Variants in MAGI1 observed in about 807,000 individuals in gnomAD.
The protein encoded by MAGI1 is membrane associated guanylate kinase, WW and PDZ domain containing 1.
Under a neutral mutation model 139.9 loss-of-function variants are expected in MAGI1, and 58 were observed. The ratio of observed to expected loss-of-function variants is 0.41; its 90% CI spans 0.34 to 0.52. The LOEUF (loss-of-function observed/expected upper bound fraction) is 0.52. Ranked by LOEUF, MAGI1 falls within the 20% of genes least tolerant of loss-of-function variation. The probability of loss-of-function intolerance (pLI) is 0.12; values close to 1 mark genes in which losing one functional copy is unlikely to be tolerated. For synonymous variants in MAGI1, 812 were observed against 737.9 expected (o/e 1.10, Z -1.63); for missense variants, 1,874 against 1,901.6 (o/e 0.99, Z 0.27).
intron 12 of MAGI1, among the ~76,000 whole-genome samples, chr3:65,417,068 T>C (rs1946272322): frequency 6.6e-6 from 1 of 152,134 alleles, no homozygotes; most frequent in Non-Finnish European, 1.5e-5. Flanking sequence ...GTTTCGAAAA[T>C]GCTCAGAACT....
chr3:66,036,353 G>T (rs551577720), intron 1 of MAGI1, among the ~76,000 whole-genome samples: 12 of 152,256 alleles, frequency 7.9e-5, no homozygotes, highest in African/African-American at 2.9e-4. Context: ...TGAACCTCAA[G>T]CAAAACCTGG....
chr3:65,867,909 G>C (rs769165713), intron 1 of MAGI1, among the ~76,000 whole-genome samples: 1 of 152,162 alleles, frequency 6.6e-6, no homozygotes, highest in African/African-American at 2.4e-5. Flanking sequence ...GGAGGCGTCA[G>C]GTCTGAGGAG....
At position 65,750,959 on chromosome 3, in the gene MAGI1, A is replaced by G. The variant is rs72908236; in HGVS notation, c.314-128871T>C. Among the ~76,000 whole-genome samples the G allele has an allele frequency of 4.1e-3, 622 of 152,332 alleles. 2 individuals are homozygous for G. Among genetic ancestry groups the G allele is most frequent in the African/African-American group, 0.014 (597 of 41,588 alleles). ...AAAGTGGCTTGAAACCTTTCTTTAT[A>G]TAAGATGCACCAGGCAAGTGATTCA... On this transcript the variant is annotated intron_variant, in intron 1 of 22. Transcript: ENST00000402939.
chr3:65,900,872 T>C (rs993300189), intron 1 of MAGI1, among the ~76,000 whole-genome samples: 2 of 152,218 alleles, frequency 1.3e-5, no homozygotes, highest in African/African-American at 2.4e-5. Flanking sequence ...TCAGTCTGGA[T>C]GAACCCTTGA....
intron 1 of MAGI1, among the ~76,000 whole-genome samples, chr3:65,701,048 G>A (rs1211644235): frequency 6.6e-6 from 1 of 152,072 alleles, no homozygotes; most frequent in African/African-American, 2.4e-5. Context: ...CAAAAATTAT[G>A]TCCACAATAT....
At chr3:65,525,858 C>G (rs532925552) in intron 2 of MAGI1, among the ~76,000 whole-genome samples, 1 of 152,128 alleles carries the variant, frequency 6.6e-6, no homozygotes, top group South Asian at 2.1e-4. Context: ...TCCTGAATAC[C>G]CACTGTGTTC....
At chr3:65,580,548 A>AT (rs960046504) in intron 2 of MAGI1, among the ~76,000 whole-genome samples, 5 of 152,110 alleles carry the variant, frequency 3.3e-5, no homozygotes, top group African/African-American at 1.2e-4. Flanking sequence ...AACACAGGTT[A>AT]TTTTTTTCAA....
At chr3:65,733,225 A>T (rs1028325385) in intron 1 of MAGI1, among the ~76,000 whole-genome samples, 1 of 151,852 alleles carries the variant, frequency 6.6e-6, no homozygotes, top group South Asian at 2.1e-4. Context: ...CGCCCCGCTA[A>T]TTTTTTGTAT....
At chr3:65,515,246 G>A (rs867188452) in intron 2 of MAGI1, among the ~76,000 whole-genome samples, 3,790 of 140,608 alleles carry the variant, frequency 0.027, 148 homozygotes, top group African/African-American at 0.095. Flanking sequence ...CCAGCATGGC[G>A]CATGTATACA....
chr3:65,599,404 G>GA (rs1404356687), intron 2 of MAGI1, among the ~76,000 whole-genome samples: 1 of 152,174 alleles, frequency 6.6e-6, no homozygotes, highest in Non-Finnish European at 1.5e-5. Context: ...ATGTCCATCT[G>GA]AAAAATCCAG....
chr3:65,667,636 A>G (rs960889942), intron 1 of MAGI1, among the ~76,000 whole-genome samples: 1 of 152,150 alleles, frequency 6.6e-6, no homozygotes, highest in Admixed American at 6.5e-5. Context: ...CAGTGGTGCA[A>G]TCATGGCTCC....
intron 1 of MAGI1, among the ~76,000 whole-genome samples, chr3:65,714,509 G>A (rs562817017): frequency 6.6e-6 from 1 of 152,064 alleles, no homozygotes; most frequent in Non-Finnish European, 1.5e-5. Context: ...GGGAGCCTAC[G>A]TAAACATGAT....
At chr3:66,018,119 G>GT (rs1329499560) in intron 1 of MAGI1, among the ~76,000 whole-genome samples, 1 of 132,464 alleles carries the variant, frequency 7.5e-6, no homozygotes, top group East Asian at 3.5e-4. Context: ...TTGGTGGGGG[G>GT]GGGGGGTGTC....
intron 1 of MAGI1, among the ~76,000 whole-genome samples, chr3:65,632,439 AG>A (rs1415380905): frequency 1.3e-5 from 2 of 152,202 alleles, no homozygotes; most frequent in African/African-American, 2.4e-5. Flanking sequence ...TGGCTTAGTG[AG>A]AAATAATGAA....
intron 1 of MAGI1, among the ~76,000 whole-genome samples, chr3:65,845,706 C>T (rs1166739037): frequency 1.3e-5 from 2 of 152,200 alleles, no homozygotes; most frequent in Admixed American, 1.3e-4. Context: ...GTGTTAAGTT[C>T]ACTCCCATGT....
chr3:66,002,664 G>A (rs746907173), intron 1 of MAGI1, among the ~76,000 whole-genome samples: 1 of 151,956 alleles, frequency 6.6e-6, no homozygotes, highest in Non-Finnish European at 1.5e-5. Flanking sequence ...ACAGGCACCC[G>A]CCACCACACG....
intron 1 of MAGI1, among the ~76,000 whole-genome samples, chr3:65,939,527 C>T (rs553575551): frequency 1.3e-5 from 2 of 152,170 alleles, no homozygotes; most frequent in South Asian, 4.1e-4. Flanking sequence ...ATAGCCCTAA[C>T]GATGGTTCAT....
At chr3:65,448,205 G>A in intron 6 of MAGI1, 148 bp from the exon 7 acceptor site, 1 of 739,786 alleles carries the variant, frequency 1.4e-6, no homozygotes, top group South Asian at 1.6e-5. Flanking sequence ...TATTTCATTG[G>A]CTTGGATAGT....
chr3:65,656,252 T>C (rs1029218241), intron 1 of MAGI1, among the ~76,000 whole-genome samples: 28 of 152,310 alleles, frequency 1.8e-4, no homozygotes, highest in African/African-American at 6.0e-4. Context: ...TTAGAAAACT[T>C]GCATCCATCT....
Sources: allele counts gnomAD v4.1 joint callset (sites outside exome capture counted in the v4.1 genomes callset), GRCh38; gene constraint gnomAD v4.1.1; transcripts MANE v1.5; gene names NCBI Gene and HGNC (gene_info 2026-07-23, HGNC 2026-07-21).